PCDH7: variants seen among roughly 807,000 people sequenced by gnomAD.
The protein encoded by PCDH7 is protocadherin 7.
A neutral mutation model predicts 58.9 loss-of-function variants in PCDH7; 17 were observed. The ratio of observed to expected loss-of-function variants is 0.29; its 90% CI spans 0.20 to 0.43. The LOEUF (loss-of-function observed/expected upper bound fraction) is 0.43. Ranked by LOEUF, PCDH7 falls within the 20% of genes least tolerant of loss-of-function variation. PCDH7 has a pLI of 1.00. For synonymous variants in PCDH7, 664 were observed against 616.4 expected, an observed-to-expected ratio of 1.08 and a Z score of -1.14; for missense variants, 1,274 against 1,441.0, an observed-to-expected ratio of 0.88 and a Z score of 1.88.
At chr4:31,033,951 A>C (rs1755171851) in intron 3 of PCDH7, among the ~76,000 whole-genome samples, 1 of 151,862 alleles carries the variant, frequency 6.6e-6, no homozygotes, top group Non-Finnish European at 1.5e-5. Context: ...AAAATTACCC[A>C]GGTGTGGTGA....
chr4:30,769,984 C>T (rs937401772), intron 1 of PCDH7, among the ~76,000 whole-genome samples: 4 of 152,140 alleles, frequency 2.6e-5, no homozygotes, highest in African/African-American at 9.7e-5. Flanking sequence ...GATTATGCAG[C>T]TAAAATTTAG....
chr4:30,916,635 A>G (rs1364500137), intron 1 of PCDH7, among the ~76,000 whole-genome samples: 1 of 152,230 alleles, frequency 6.6e-6, no homozygotes, highest in Non-Finnish European at 1.5e-5. Flanking sequence ...AAGTTCAGAC[A>G]CTGCAATTTA....
At chr4:30,844,353 A>G (rs1476415261) in intron 1 of PCDH7, among the ~76,000 whole-genome samples, 2 of 152,204 alleles carry the variant, frequency 1.3e-5, no homozygotes, top group African/African-American at 4.8e-5. Flanking sequence ...TAGTATAATC[A>G]GCAATTTAAA....
chr4:30,942,817 A>T (rs1746201270), intron 2 of PCDH7, among the ~76,000 whole-genome samples: 1 of 151,976 alleles, frequency 6.6e-6, no homozygotes, highest in South Asian at 2.1e-4. Flanking sequence ...ATCTAATTTC[A>T]AAGACAGCTG....
At chr4:30,752,597 C>G (rs1339497745) in intron 1 of PCDH7, among the ~76,000 whole-genome samples, 1 of 149,274 alleles carries the variant, frequency 6.7e-6, no homozygotes, top group Non-Finnish European at 1.5e-5. Context: ...GGAATGTTAA[C>G]AGTGCACGTA....
chr4:30,802,856 C>T (rs1307079331), intron 1 of PCDH7, among the ~76,000 whole-genome samples: 2 of 152,092 alleles, frequency 1.3e-5, no homozygotes, highest in African/African-American at 2.4e-5. Context: ...AAATTTGTAG[C>T]AGAGTCAATC....
chr4:30,781,818 G>A (rs960421928), intron 1 of PCDH7, among the ~76,000 whole-genome samples: 2 of 151,696 alleles, frequency 1.3e-5, no homozygotes, highest in African/African-American at 4.8e-5. Context: ...TTACAAGCGT[G>A]AGCCACCACG....
Position 30,721,214 on chromosome 4 carries a change from G to A in PCDH7, c.-209G>A, listed in dbSNP as rs1344498650. ...CAATAACTTTCGGAAGAAGCAGGAG[G>A]AAAAAAAGAAGCATCTATCGCTGCC... On this transcript the variant is annotated 5_prime_UTR_variant, in exon 1 of 2. Transcript: ENST00000361762. This position sits in a 1 kb window ranked among gnomAD's most constrained non-coding sequence, Gnocchi z 6.7. 3.7e-6 allele frequency: 2 copies of A among 542,200 alleles called. No homozygotes were observed. Among genetic ancestry groups the A allele is most frequent in the Middle Eastern group, 4.8e-4 (1 of 2,084 alleles). The allele number at this position is 542,200 out of a possible 1,614,324, so 33.6% of individuals were successfully genotyped here. A position where few individuals can be genotyped will look rare whatever the true frequency, so the allele number is the denominator to read the frequency against.
At chr4:31,015,716 A>G (rs1022503050) in intron 3 of PCDH7, among the ~76,000 whole-genome samples, 2 of 152,172 alleles carry the variant, frequency 1.3e-5, no homozygotes, top group African/African-American at 2.4e-5. Flanking sequence ...GGTCTTTAAT[A>G]CATAACTTTA....
chr4:30,989,810 A>G lies in PCDH7; in HGVS notation c.*7+39595A>G, dbSNP rs368068389. Among the ~76,000 whole-genome samples the G allele has an allele frequency of 1.1e-3, 165 of 152,320 alleles. 6 individuals are homozygous for G. The South Asian group carries it at 0.029, about 26-fold the overall frequency. ...CACCCTTCCCCACCAAAAAATGTAT[A>G]AATTTCAGTGAAAAGAGAGAGGGAG... On this transcript the variant is annotated intron_variant, in intron 3 of 3. Transcript: ENST00000509759.
intron 3 of PCDH7, among the ~76,000 whole-genome samples, chr4:31,096,608 T>G (rs1245541912): frequency 6.6e-6 from 1 of 152,214 alleles, no homozygotes; most frequent in Non-Finnish European, 1.5e-5. Flanking sequence ...AATAATTTTA[T>G]GCCTATAAGA....
At chr4:30,914,459 G>T (rs915419414) in intron 1 of PCDH7, among the ~76,000 whole-genome samples, 9 of 152,114 alleles carry the variant, frequency 5.9e-5, no homozygotes, top group African/African-American at 2.2e-4. Flanking sequence ...CATGCTTAAT[G>T]AATGATTAGA....
At chr4:30,833,321 C>T (rs1180988921) in intron 1 of PCDH7, among the ~76,000 whole-genome samples, 3 of 152,156 alleles carry the variant, frequency 2.0e-5, no homozygotes, top group Middle Eastern at 3.4e-3. Flanking sequence ...GTTTTCTTGC[C>T]TCTTTCAGCT....
chr4:31,088,120 T>C (rs1459427928), intron 3 of PCDH7, among the ~76,000 whole-genome samples: 1 of 152,026 alleles, frequency 6.6e-6, no homozygotes, highest in Non-Finnish European at 1.5e-5. Flanking sequence ...TTTGCTATAT[T>C]GTTTATTCAA....
intron 2 of PCDH7, among the ~76,000 whole-genome samples, chr4:30,934,000 G>A (rs1745012543): frequency 6.6e-6 from 1 of 152,136 alleles, no homozygotes; most frequent in Non-Finnish European, 1.5e-5. Flanking sequence ...TATTTTATCA[G>A]TTTTTCCCCG....
intron 2 of PCDH7, among the ~76,000 whole-genome samples, chr4:30,937,702 G>C (rs1345030135): frequency 1.3e-5 from 2 of 151,892 alleles, no homozygotes; most frequent in African/African-American, 4.8e-5. Flanking sequence ...TTTATGTTCA[G>C]GAGAGGATAT....
chr4:30,788,669 G>T (rs1723729176), intron 1 of PCDH7, among the ~76,000 whole-genome samples: 1 of 152,066 alleles, frequency 6.6e-6, no homozygotes, highest in African/African-American at 2.4e-5. Flanking sequence ...TTTACGAATG[G>T]AGAGAAAAGA....
intron 3 of PCDH7, among the ~76,000 whole-genome samples, chr4:30,991,415 G>T (rs886414656): frequency 6.6e-6 from 1 of 152,198 alleles, no homozygotes; most frequent in Non-Finnish European, 1.5e-5. Context: ...GGCTAGACAA[G>T]AAGAAAAGAG....
chr4:30,966,317 A>G (rs1748990187), intron 3 of PCDH7, among the ~76,000 whole-genome samples: 1 of 152,168 alleles, frequency 6.6e-6, no homozygotes, highest in East Asian at 1.9e-4. Context: ...CTGGATTAAA[A>G]GCATGTTACA....
Sources: allele counts gnomAD v4.1 joint callset (sites outside exome capture counted in the v4.1 genomes callset), GRCh38; gene constraint gnomAD v4.1.1; non-coding constraint Gnocchi (gnomAD v3.1); transcripts MANE v1.5; gene names NCBI Gene and HGNC (gene_info 2026-07-23, HGNC 2026-07-21).